SPATA13: variants seen among roughly 807,000 people sequenced by gnomAD.
SPATA13 encodes the protein spermatogenesis-associated protein 13.
Under a neutral mutation model 104.0 loss-of-function variants are expected in SPATA13, and 50 were observed. That is an observed-to-expected ratio of 0.48 (90% confidence interval 0.38 to 0.61). The LOEUF is 0.61. Ranked by LOEUF, SPATA13 falls within the 20% of genes least tolerant of loss-of-function variation. The probability of loss-of-function intolerance (pLI) is 0.00; values close to 1 mark genes in which losing one functional copy is unlikely to be tolerated. For synonymous variants in SPATA13, 606 were observed against 667.5 expected (o/e 0.91, Z 1.42); for missense variants, 1,524 against 1,690.6 (o/e 0.90, Z 1.73).
chr13:24,041,765 T>G (rs1326088872), intron 3 of SPATA13, among the ~76,000 whole-genome samples: 1 of 152,022 alleles, frequency 6.6e-6, no homozygotes, highest in Non-Finnish European at 1.5e-5. Context: ...CAGGAGAAGG[T>G]CACACACAAG....
chr13:24,044,032 G>A (rs1280888866), intron 3 of SPATA13, among the ~76,000 whole-genome samples: 1 of 152,096 alleles, frequency 6.6e-6, no homozygotes, highest in African/African-American at 2.4e-5. Context: ...GCTCTGAGCA[G>A]GAGGCGGTCA....
chr13:24,210,666 T>C (rs1870960797), intron 1 of SPATA13, among the ~76,000 whole-genome samples: 1 of 152,188 alleles, frequency 6.6e-6, no homozygotes, highest in Non-Finnish European at 1.5e-5. Context: ...GTTTGTAATA[T>C]AGTTTGAAAT....
At chr13:24,007,325 G>A (rs1387790900) in intron 2 of SPATA13, among the ~76,000 whole-genome samples, 2 of 152,234 alleles carry the variant, frequency 1.3e-5, no homozygotes, top group Non-Finnish European at 2.9e-5. Flanking sequence ...TGCCTGTGGA[G>A]GGGACTGGGC....
In SPATA13 at chr13:24,224,010, T is replaced by C. The variant is rs1871776003; in HGVS notation, c.1081T>C (p.Tyr361His). Reference protein sequence around the residue: ...LQAHSRLHDDYSRRVSRSTEQ... With the variant: ...LQAHSRLHDDHSRRVSRSTEQ... The stretch of plus-strand genomic sequence containing the variant: ...GGCACACAGCCGGCTGCATGACGAC[T>C]ACTCCCGCCGCGTCTCCAGGAGCAC... Residue 361 changes from tyrosine (Y) to histidine (H), a missense_variant, in exon 2 of 13, where the codon TAC (tyrosine) becomes CAC (histidine). By Grantham distance (83) the Tyr-to-His change is moderately conservative (BLOSUM62 2). Coordinates refer to ENST00000382108, the MANE Select transcript of SPATA13 (RefSeq NM_001166271.3). 6.5e-7 allele frequency: 1 copy of C among 1,548,526 alleles called. No individual in the cohort carries two copies. Among genetic ancestry groups the C allele is most frequent in the South Asian group, 1.2e-5 (1 of 83,906 alleles).
intron 4 of SPATA13, among the ~76,000 whole-genome samples, chr13:24,268,404 T>C (rs1397417266): frequency 6.6e-6 from 1 of 152,238 alleles, no homozygotes; most frequent in African/African-American, 2.4e-5. Context: ...AATATGCCTG[T>C]ATTGAATGAA....
Position 24,006,098 on chromosome 13 carries a change from G to A in SPATA13, c.-146-11569G>A, listed in dbSNP as rs559482409. ...GCAGTTTCCAGTGTGAGCTGCAGAG[G>A]AGAGACAGCCACTTTGTGAGTAACC... On this transcript the variant is annotated intron_variant, in intron 2 of 14. Coordinates refer to the SPATA13 transcript ENST00000424834. Among the ~76,000 whole-genome samples the A allele has an allele frequency of 1.8e-3, 273 of 152,358 alleles. 2 individuals are homozygous for A. Among genetic ancestry groups the A allele is most frequent in the South Asian group, 0.017 (82 of 4,824 alleles).
chr13:23,994,278 T>C (rs985988241), intron 2 of SPATA13, among the ~76,000 whole-genome samples: 6 of 152,212 alleles, frequency 3.9e-5, no homozygotes, highest in Admixed American at 2.6e-4. Flanking sequence ...TGTAGGGTCA[T>C]GTTCATTGGT....
At chr13:24,139,255 G>A (rs938575985) in intron 3 of SPATA13, among the ~76,000 whole-genome samples, 2 of 152,002 alleles carry the variant, frequency 1.3e-5, no homozygotes, top group African/African-American at 2.4e-5. Context: ...AGTCAGTTTC[G>A]GGTCCACCCT....
chr13:24,046,388 G>A (rs577662738), intron 3 of SPATA13, among the ~76,000 whole-genome samples: 9 of 150,980 alleles, frequency 6.0e-5, no homozygotes, highest in Non-Finnish European at 1.2e-4. Flanking sequence ...TGACTCCTGG[G>A]GTTCAAATGA....
chr13:24,010,471 T>C (rs1166497726), intron 2 of SPATA13, among the ~76,000 whole-genome samples: 2 of 151,804 alleles, frequency 1.3e-5, no homozygotes, highest in Non-Finnish European at 2.9e-5. Flanking sequence ...TTTTTTTTTT[T>C]TTTCATCTTT....
chr13:24,281,156 G>T (rs1249227500), intron 4 of SPATA13, among the ~76,000 whole-genome samples: 1 of 152,208 alleles, frequency 6.6e-6, no homozygotes, highest in Non-Finnish European at 1.5e-5. Flanking sequence ...AGGTAAGAAA[G>T]CTAGGGCCCA....
chr13:24,078,579 G>A (rs557818265), intron 3 of SPATA13, among the ~76,000 whole-genome samples: 1 of 152,332 alleles, frequency 6.6e-6, no homozygotes, highest in South Asian at 2.1e-4. Flanking sequence ...GAGGGTCCCA[G>A]CATGGTGCTG....
chr13:24,289,293 C>A, intron 8 of SPATA13, 115 bp downstream of exon 8: 1 of 825,938 alleles, frequency 1.2e-6, no homozygotes, highest in Non-Finnish European at 1.9e-6. Flanking sequence ...GATGAATCTT[C>A]CATAGAAAGG....
At position 24,306,243 on chromosome 13, in the gene SPATA13, A is replaced by C. The variant is rs1478092693; in HGVS notation, c.*3470A>C. The C allele has an allele frequency of 6.6e-6, 1 of 152,266 alleles. No homozygotes were observed. The highest frequency in any genetic ancestry group is 1.5e-5 in the Non-Finnish European group (1 of 68,046). 9.4% of individuals were successfully genotyped at this position (152,266 alleles called of 1,614,324 possible). ...ACAATATAAGTATTTTGTAAAAGCC[A>C]GCTGAACCAGCATTTTATCAGGTGG... On this transcript the variant is annotated 3_prime_UTR_variant, in exon 13 of 13. Coordinates refer to ENST00000382108, the MANE Select transcript of SPATA13 (RefSeq NM_001166271.3).
chr13:24,150,595 GT>G (rs1566122546), intron 3 of SPATA13, among the ~76,000 whole-genome samples: 1 of 152,076 alleles, frequency 6.6e-6, no homozygotes, highest in Non-Finnish European at 1.5e-5. Context: ...GGGCTGGCAA[GT>G]CCAAAATTTG....
At chr13:24,149,754 G>T (rs1481765964) in intron 3 of SPATA13, among the ~76,000 whole-genome samples, 1 of 152,234 alleles carries the variant, frequency 6.6e-6, no homozygotes, top group Non-Finnish European at 1.5e-5. Context: ...AGGCCCTGCG[G>T]GGCGGATAGA....
intron 3 of SPATA13, among the ~76,000 whole-genome samples, chr13:24,128,732 AT>A (rs1179636356): frequency 3.8e-4 from 4 of 10,498 alleles, no homozygotes; most frequent in Non-Finnish European, 8.1e-4. Flanking sequence ...GTCCTACCTT[AT>A]TTAAAAAAAA....
At chr13:24,070,374 C>T (rs1487382869) in intron 3 of SPATA13, among the ~76,000 whole-genome samples, 3 of 152,168 alleles carry the variant, frequency 2.0e-5, no homozygotes, top group African/African-American at 7.2e-5. Context: ...TCACTTCCCT[C>T]AGGGTAGGGA....
chr13:24,173,090 C>G (rs57132705), intron 1 of SPATA13, among the ~76,000 whole-genome samples: 4,660 of 152,004 alleles, frequency 0.031, 242 homozygotes, highest in African/African-American at 0.11. Context: ...TAAATATATA[C>G]TTTTTGAGAC....
Sources: allele counts gnomAD v4.1 joint callset (sites outside exome capture counted in the v4.1 genomes callset), GRCh38; gene constraint gnomAD v4.1.1; transcripts MANE v1.5; gene names NCBI Gene and HGNC (gene_info 2026-07-23, HGNC 2026-07-21).